PROM2: variants seen among roughly 807,000 people sequenced by gnomAD.
The protein encoded by PROM2 is prominin-2.
In PROM2, 90 loss-of-function variants were observed where a neutral mutation model predicts 110.2. The ratio of observed to expected loss-of-function variants is 0.82; its 90% CI spans 0.69 to 0.97. The LOEUF is 0.97. Ranked by LOEUF, PROM2 falls within the 50% of genes least tolerant of loss-of-function variation. PROM2 has a pLI of 0.00. For missense variants in PROM2, 1,009 were observed against 1,074.8 expected, an observed-to-expected ratio of 0.94 and a Z score of 0.86; for synonymous variants, 470 against 467.8, an observed-to-expected ratio of 1.00 and a Z score of -0.06.
Position 95,275,143 on chromosome 2 carries a change from CT to C in PROM2, c.244+315del. ...GTGGTCCAGGAGTGTCTGAAGGACC[CT>C]CCCAGTCCTGTCCCTTGCTGCTTGA... On this transcript the variant is annotated intron_variant, in intron 1 of 23. Coordinates refer to ENST00000317620, the MANE Select transcript of PROM2 (RefSeq NM_001165978.3). This position sits in a 1 kb window ranked among gnomAD's most constrained non-coding sequence, Gnocchi z 4.4. 1 of 479,576 alleles carries C rather than the reference CT, an allele frequency of 2.1e-6. No individual in the cohort carries two copies. Among genetic ancestry groups the C allele is most frequent in the Admixed American group, 3.8e-5 (1 of 26,584 alleles). 29.7% of individuals were successfully genotyped at this position (479,576 alleles called of 1,614,324 possible). A position where few individuals can be genotyped will look rare whatever the true frequency, so the allele number is the denominator to read the frequency against.
At position 95,276,014 on chromosome 2, in the gene PROM2, T is replaced by C; in HGVS notation, c.379T>C (p.Phe127Leu). The part of the protein sequence containing the change: ...LLLVPTAGLC[F>L]CCCRCHRRCG... ...GCTGGTGCCCACTGCCGGGCTTTGC[T>C]TCTGCTGCTGCCGCTGCCACCGGCG... is the stretch of plus-strand genomic sequence containing the variant. Residue 127 changes from phenylalanine (F) to leucine (L), a missense_variant, in exon 3 of 24, where the codon TTC becomes CTC. Phe to Leu is a conservative substitution (Grantham distance 22). Transcript: ENST00000317620. This position sits in a 1 kb window ranked among gnomAD's most constrained non-coding sequence, Gnocchi z 4.6. The C allele has an allele frequency of 6.2e-7, 1 of 1,611,820 alleles. No homozygotes were observed. The highest frequency in any genetic ancestry group is 8.5e-7 in the Non-Finnish European group (1 of 1,179,826).
rs72819491 is a variant in PROM2, at chr2:95,286,280, G to T, written c.1948-199G>T. 9.6e-3 allele frequency among the ~76,000 whole-genome samples: 1,466 copies of T among 152,318 alleles called. 15 individuals are homozygous for T. The highest frequency in any genetic ancestry group is 0.014 in the Non-Finnish European group (964 of 68,028). On this transcript the variant is annotated intron_variant, in intron 16 of 23. Transcript: ENST00000317620. ...GGCATGTTCTGTGACTGACTTAGGG[G>T]CACCCAGCAAGCTAGAGTGAACCTA...
chr2:95,281,307 T>C lies in PROM2; in HGVS notation c.1493T>C (p.Val498Ala). The change falls in exon 12 of 24, where the codon GTG (valine) becomes GCG (alanine). Residue 498 changes from valine (V) to alanine (A), a missense_variant. Coordinates refer to ENST00000317620, the MANE Select transcript of PROM2 (RefSeq NM_001165978.3). ...CTCCTGGTGTTCGCCACCTTCCTGG[T>C]GGGTGGCAACGTGCAGACGCTGGTG... ...LILLVFATFLVGGNVQTLVCQ... is the reference protein window; with the variant it reads ...LILLVFATFLAGGNVQTLVCQ... The C allele has an allele frequency of 6.2e-7, 1 of 1,613,142 alleles. No homozygotes were observed. Among genetic ancestry groups the C allele is most frequent in the Non-Finnish European group, 8.5e-7 (1 of 1,179,834 alleles).
At chr2:95,287,326 G>T (rs1462490810) in intron 19 of PROM2, 70 bp from the exon 20 acceptor site, 21 of 1,579,350 alleles carry the variant, frequency 1.3e-5, no homozygotes, top group Admixed American at 3.4e-5. Context: ...CAGGCATGGG[G>T]GGTGGCGTGG....
At chr2:95,287,297 G>A (rs1256692339) in intron 19 of PROM2, 84 bp downstream of exon 19, 1 of 1,576,700 alleles carries the variant, frequency 6.3e-7, no homozygotes, top group Non-Finnish European at 8.7e-7. Flanking sequence ...CAGGAAAGCT[G>A]GGCCTGTCCT....
In PROM2 at chr2:95,277,055, G is replaced by A. The variant is rs144599982; in HGVS notation, c.766G>A (p.Gly256Ser). The A allele has an allele frequency of 1.5e-3, 2,360 of 1,551,054 alleles. 2 individuals carry two copies. Among genetic ancestry groups the A allele is most frequent in the Non-Finnish European group, 1.9e-3 (2,211 of 1,146,846 alleles). Residue 256 changes from glycine to serine, a missense_variant, in exon 6 of 24, where the codon GGC (glycine) becomes AGC (serine). Coordinates refer to ENST00000317620, the MANE Select transcript of PROM2 (RefSeq NM_001165978.3). ...YPLLAAVGSL[G>S]QVLQVSVHHL... Reference sequence around the variant, plus strand: ...CTTGCTGGCGGCCGTGGGCAGTTTGGGCCAGGGTGAGCTGGAGCCGCATCC... The same window carrying A: ...CTTGCTGGCGGCCGTGGGCAGTTTGAGCCAGGGTGAGCTGGAGCCGCATCC...
chr2:95,279,166 GA>G, intron 10 of PROM2, 22 bp downstream of exon 10: 1 of 783,280 alleles, frequency 1.3e-6, no homozygotes, highest in Non-Finnish European at 1.9e-6. Flanking sequence ...CGCAGGGTGG[GA>G]TGGGGTGGGG....
In PROM2 at chr2:95,281,358, TCTTTGAGGTAGG is replaced by T. The variant is rs373934984; in HGVS notation, c.1546_1551+6del. On this transcript the variant is annotated splice_donor_variant and splice_donor_5th_base_variant and coding_sequence_variant and intron_variant, in exon 12 of 24. Transcript: ENST00000317620. LOFTEE classifies it high-confidence loss of function. Reference sequence around the variant, plus strand: ...TGCCAGAGCTGGGAGAACGGCGAGCTCTTTGAGGTAGGCCTGTCTCTGCTCACAGGCCCTCCT... The same window carrying T: ...TGCCAGAGCTGGGAGAACGGCGAGCTCCTGTCTCTGCTCACAGGCCCTCCT... The T allele has an allele frequency of 6.8e-6, 11 of 1,610,620 alleles. No homozygotes were observed. The highest frequency in any genetic ancestry group is 1.6e-4 in the Middle Eastern group (1 of 6,078).
chr2:95,274,570 T>C lies in PROM2; in HGVS notation c.-16T>C, dbSNP rs1211624365. On this transcript the variant is annotated 5_prime_UTR_variant, in exon 1 of 24. Transcript: ENST00000317620. ...CTGTTCCCTCCTGAGCCTGAGCCCC[T>C]TACCTTCCTGACCCCATGAAGCACA... The C allele has an allele frequency of 9.6e-6, 15 of 1,556,824 alleles. No homozygotes were observed. The highest frequency in any genetic ancestry group is 1.2e-5 in the Non-Finnish European group (14 of 1,148,994).
intron 11 of PROM2, 58 bp from the exon 12 acceptor site, chr2:95,281,184 G>A (rs944004670): frequency 1.9e-6 from 3 of 1,589,826 alleles, no homozygotes; most frequent in Non-Finnish European, 2.6e-6. Flanking sequence ...GGGACAGAGG[G>A]TATGGTCAGG....
At chr2:95,284,416 G>A (rs773774808) in intron 14 of PROM2, among the ~76,000 whole-genome samples, 4 of 152,064 alleles carry the variant, frequency 2.6e-5, no homozygotes, top group African/African-American at 7.2e-5. Context: ...ACTGGAGCCC[G>A]GGGGATCTAG....
At position 95,274,657 on chromosome 2, in the gene PROM2, T is replaced by G; in HGVS notation, c.72T>G (p.Ala24=). The change falls in exon 1 of 24, where the codon GCT becomes GCG. Residue 24 remains alanine (A), a synonymous_variant. Coordinates refer to ENST00000317620, the MANE Select transcript of PROM2 (RefSeq NM_001165978.3). ...LGLGLALSQL[A]AGATDCKFLG... ...TGGGGCTGGCCCTGAGTCAGCTGGCTGCAGGGGCCACAGACTGCAAGTTCC... is the reference window on the plus strand; with the variant it reads ...TGGGGCTGGCCCTGAGTCAGCTGGCGGCAGGGGCCACAGACTGCAAGTTCC... 1 of 1,610,824 alleles carries G rather than the reference T, an allele frequency of 6.2e-7. No homozygotes were observed. Among genetic ancestry groups the G allele is most frequent in the Non-Finnish European group, 8.5e-7 (1 of 1,178,022 alleles).
At position 95,275,854 on chromosome 2, in the gene PROM2, TC is replaced by T. The variant is rs1332916566; in HGVS notation, c.295-73del. ...GACGGCACTCCCGCCCCTTCTGGTTTCCCTCTGGACTCAGGCAGAAGCCAGG... is the reference window on the plus strand; with the variant it reads ...GACGGCACTCCCGCCCCTTCTGGTTTCCTCTGGACTCAGGCAGAAGCCAGG... On this transcript the variant is annotated intron_variant, in intron 2 of 23. Coordinates refer to ENST00000317620, the MANE Select transcript of PROM2 (RefSeq NM_001165978.3). The surrounding 1 kb of genome is among the most constrained non-coding windows in gnomAD (Gnocchi z 4.4). 6.5e-7 allele frequency: 1 copy of T among 1,545,346 alleles called. No individual in the cohort carries two copies. Among genetic ancestry groups the T allele is most frequent in the Admixed American group, 2.0e-5 (1 of 51,114 alleles).
intron 1 of PROM2, 93 bp downstream of exon 1, chr2:95,274,922 C>T (rs1342370344): frequency 1.1e-5 from 16 of 1,410,174 alleles, no homozygotes; most frequent in Non-Finnish European, 1.3e-5. Flanking sequence ...GCCCAACCTA[C>T]AAGCAGGCAC....
chr2:95,280,046 T>C, intron 11 of PROM2, 49 bp downstream of exon 11: 1 of 1,358,860 alleles, frequency 7.4e-7, no homozygotes, highest in Middle Eastern at 2.3e-4. Flanking sequence ...TAGGGCTGGC[T>C]GATTACTCTC....
chr2:95,279,167 A>ATGGGG (rs1208446815), intron 10 of PROM2, 23 bp downstream of exon 10: 1 of 388,818 alleles, frequency 2.6e-6, no homozygotes, highest in African/African-American at 3.1e-5. Context: ...GCAGGGTGGG[A>ATGGGG]TGGGGTGGGG....
intron 8 of PROM2, chr2:95,278,433 C>A: frequency 1.8e-6 from 1 of 566,048 alleles, no homozygotes; most frequent in Non-Finnish European, 3.2e-6. Context: ...TGGACTGGAG[C>A]TGGACCTTCA....
chr2:95,276,165 G>A lies in PROM2; in HGVS notation c.497+33G>A. The A allele has an allele frequency of 1.2e-6, 2 of 1,612,092 alleles. No individual in the cohort carries two copies. Among genetic ancestry groups the A allele is most frequent in the East Asian group, 2.2e-5 (1 of 44,848 alleles). The stretch of plus-strand genomic sequence containing the variant: ...GCTGCCCAGGGCCCGGGTAGGGCGG[G>A]CTGTGGCCCCCAGGCTCCCTCTTAC... On this transcript the variant is annotated intron_variant, in intron 3 of 23. Coordinates refer to ENST00000317620, the MANE Select transcript of PROM2 (RefSeq NM_001165978.3). This position sits in a 1 kb window ranked among gnomAD's most constrained non-coding sequence, Gnocchi z 4.6.
chr2:95,277,255 G>T, intron 6 of PROM2, 109 bp from the exon 7 acceptor site: 1 of 1,291,964 alleles, frequency 7.7e-7, no homozygotes, highest in Non-Finnish European at 1.1e-6. Flanking sequence ...TAGGCAGGAG[G>T]TCAATGATTT....
Sources: gnomAD v4.1 joint callset for allele counts (sites outside exome capture counted in the v4.1 genomes callset) on GRCh38, gnomAD v4.1.1 for gene constraint, Gnocchi (gnomAD v3.1) non-coding constraint, MANE v1.5 for transcripts, NCBI Gene and HGNC (gene_info 2026-07-23, HGNC 2026-07-21) for gene names.